The following MDGA1 variants were observed in gnomAD, a reference collection of about 807,000 sequenced individuals.
MDGA1 encodes the protein MAM domain containing glycosylphosphatidylinositol anchor 1.
MDGA1 carries 54 observed loss-of-function variants against 101.5 expected under a neutral mutation model. The ratio of observed to expected loss-of-function variants is 0.53; its 90% confidence interval spans 0.43 to 0.67. MDGA1 has a LOEUF of 0.67. Ranked by LOEUF, MDGA1 falls within the 30% of genes least tolerant of loss-of-function variation. MDGA1 has a pLI of 0.00. For missense variants in MDGA1, 1,083 were observed against 1,323.8 expected (o/e 0.82, Z 2.82); for synonymous variants, 533 against 558.3 (o/e 0.95, Z 0.64).
intron 9 of MDGA1, among the ~76,000 whole-genome samples, 165 bp from the exon 10 acceptor site, chr6:37,647,489 G>A (rs1010312018): frequency 1.3e-5 from 2 of 151,980 alleles, no homozygotes; most frequent in Admixed American, 6.6e-5. Flanking sequence ...GGGAGAAGAG[G>A]GGATTGGGGA....
intron 7 of MDGA1, among the ~76,000 whole-genome samples, chr6:37,651,352 AC>A (rs1448570319): frequency 6.6e-6 from 1 of 152,220 alleles, no homozygotes; most frequent in Non-Finnish European, 1.5e-5. Flanking sequence ...ATTAAAATGT[AC>A]CCATGTTCCA....
chr6:37,667,713 T>A (rs1407047766), intron 1 of MDGA1, among the ~76,000 whole-genome samples: 1 of 152,252 alleles, frequency 6.6e-6, no homozygotes, highest in African/African-American at 2.4e-5. Context: ...CAGTGGAAGA[T>A]AAGCTGTAAT....
rs989018159 is a variant in MDGA1, at chr6:37,635,427, C to T, written c.*1941G>A. ...GTTAAGGAACAATACCCGACAGACG[C>T]GATGGAAGTGTATGCTGAGAACCTG... On this transcript the variant is annotated 3_prime_UTR_variant, in exon 17 of 17. Transcript: ENST00000434837. 2.8e-5 allele frequency: 11 copies of T among 398,526 alleles called. No individual in the cohort carries two copies. The highest frequency in any genetic ancestry group is 8.2e-5 in the African/African-American group (4 of 48,630). 24.7% of individuals were successfully genotyped at this position (398,526 alleles called of 1,614,324 possible). A position where few individuals can be genotyped will look rare whatever the true frequency, so the allele number is the denominator to read the frequency against.
At chr6:37,657,692 G>A (rs1354676729) in intron 3 of MDGA1, among the ~76,000 whole-genome samples, 6 of 152,200 alleles carry the variant, frequency 3.9e-5, no homozygotes, top group Non-Finnish European at 5.9e-5. Flanking sequence ...TCAGCCTGAC[G>A]GATGACTCAG....
At chr6:37,693,667 T>C (rs1202512501) in intron 1 of MDGA1, among the ~76,000 whole-genome samples, 1 of 152,206 alleles carries the variant, frequency 6.6e-6, no homozygotes, top group Non-Finnish European at 1.5e-5. Context: ...TCCTCTTCCA[T>C]CACTTGGCTA....
intron 1 of MDGA1, among the ~76,000 whole-genome samples, chr6:37,690,450 G>T (rs894771118): frequency 6.6e-6 from 1 of 152,190 alleles, no homozygotes; most frequent in African/African-American, 2.4e-5. Context: ...GCATACTTAT[G>T]ATCACAGGCT....
intron 1 of MDGA1, among the ~76,000 whole-genome samples, chr6:37,677,181 C>A (rs1355383551): frequency 6.6e-6 from 1 of 152,104 alleles, no homozygotes; most frequent in African/African-American, 2.4e-5. Flanking sequence ...CCATAATGCA[C>A]CTATTAAACC....
rs559470117 is a variant in MDGA1 at position 37,650,198 on chromosome 6, T to A, written c.1520A>T (p.Asp507Val). The A allele has an allele frequency of 6.2e-7, 1 of 1,613,082 alleles. No homozygotes were observed. Among genetic ancestry groups the A allele is most frequent in the African/African-American group, 1.3e-5 (1 of 74,940 alleles). ...GKLRLERVSR[D>V]MSGTYRCQTA... ...CTGGCAGCGGTAGGTCCCGCTCATG[T>A]CTCGGCTCACTCGCTCCAGCCGCAG... Residue 507 changes from aspartate (D) to valine (V), a missense_variant, in exon 8 of 17, where the codon GAC (aspartate) becomes GTC (valine). By Grantham distance (152) the Asp-to-Val change is radical. This residue lies in a region of MDGA1 where 657 missense variants were observed against 771.4 expected (regional missense o/e 0.85). Coordinates refer to ENST00000434837, the MANE Select transcript of MDGA1 (RefSeq NM_153487.4).
At position 37,650,410 on chromosome 6, in the gene MDGA1, G is replaced by A; in HGVS notation, c.1313-5C>T. 1 of 1,531,156 alleles carries A rather than the reference G, an allele frequency of 6.5e-7. No homozygotes were observed. The allele number at this position is 1,531,156 out of a possible 1,614,324, so 94.8% of individuals were successfully genotyped here. A position where few individuals can be genotyped will look rare whatever the true frequency, so the allele number is the denominator to read the frequency against. The stretch of plus-strand genomic sequence containing the variant: ...GCACACTGATGGTGGGCGGCACTGT[G>A]GGGGTGATGGTGATCAGCGGAGAGG... On this transcript the variant is annotated splice_polypyrimidine_tract_variant and splice_region_variant and intron_variant, in intron 7 of 16. Coordinates refer to ENST00000434837, the MANE Select transcript of MDGA1 (RefSeq NM_153487.4).
chr6:37,645,981 A>G, intron 11 of MDGA1, 25 bp from the exon 12 acceptor site: 1 of 1,613,972 alleles, frequency 6.2e-7, no homozygotes. Context: ...GGGGAAACCA[A>G]GTCAGAACTG....
intron 14 of MDGA1, among the ~76,000 whole-genome samples, chr6:37,642,703 G>A (rs1034736911): frequency 3.9e-5 from 6 of 152,108 alleles, no homozygotes; most frequent in South Asian, 4.1e-4. Context: ...ACCATGCCGC[G>A]GGGTCAGGCA....
intron 1 of MDGA1, among the ~76,000 whole-genome samples, chr6:37,676,295 G>GAA (rs1761976951): frequency 6.6e-6 from 1 of 152,216 alleles, no homozygotes; most frequent in Non-Finnish European, 1.5e-5. Flanking sequence ...GCAGAGCCTG[G>GAA]GCCAGGAAGT....
In MDGA1 at chr6:37,647,084, C is replaced by T. The variant is rs76385504; in HGVS notation, c.2046+89G>A. On this transcript the variant is annotated intron_variant, in intron 10 of 16. Transcript: ENST00000434837. ...GGTCAACGTGTCTAAGCCCCATCTC[C>T]GACCCTTCCTCTGGCCTTGATGAGC... 220 of 1,266,192 alleles carry T rather than the reference C, an allele frequency of 1.7e-4. 1 individual carries two copies. Among genetic ancestry groups the T allele is most frequent in the East Asian group, 1.7e-3 (67 of 39,776 alleles). 78.4% of individuals were successfully genotyped at this position (1,266,192 alleles called of 1,614,324 possible).
intron 1 of MDGA1, among the ~76,000 whole-genome samples, chr6:37,694,715 G>T (rs1762381543): frequency 6.6e-6 from 1 of 151,962 alleles, no homozygotes; most frequent in Non-Finnish European, 1.5e-5. Flanking sequence ...CCTCAATAAA[G>T]ACTTTTTACC....
At chr6:37,677,845 C>T (rs576478992) in intron 1 of MDGA1, among the ~76,000 whole-genome samples, 1 of 152,192 alleles carries the variant, frequency 6.6e-6, no homozygotes, top group Admixed American at 6.5e-5. Context: ...CAGACTCTGA[C>T]CCCCTCCGAC....
intron 1 of MDGA1, among the ~76,000 whole-genome samples, chr6:37,675,407 A>G (rs372142324): frequency 1.2e-4 from 18 of 152,336 alleles, no homozygotes; most frequent in South Asian, 1.0e-3. Context: ...ACTTGTACTC[A>G]GCAGGTACTT....
rs1763888493 is a variant in MDGA1 at position 37,634,689 on chromosome 6, T to TCA, written c.*2677_*2678dup. 1 of 152,538 alleles carries TCA rather than the reference T, an allele frequency of 6.6e-6. No homozygotes were observed. The highest frequency in any genetic ancestry group is 2.1e-4 in the South Asian group (1 of 4,838). The allele number at this position is 152,538 out of a possible 1,614,324, so 9.4% of individuals were successfully genotyped here. ...TCAGCATTTCAGCAGACACATTTTG[T>TCA]CAATCCCAGGTCAAGCCATCCTCAA... On this transcript the variant is annotated 3_prime_UTR_variant, in exon 17 of 17. Transcript: ENST00000434837. The surrounding 1 kb of genome is among the most constrained non-coding windows in gnomAD (Gnocchi z 4.7).
At chr6:37,691,436 T>C (rs937286890) in intron 1 of MDGA1, among the ~76,000 whole-genome samples, 3 of 152,196 alleles carry the variant, frequency 2.0e-5, no homozygotes, top group Non-Finnish European at 2.9e-5. Flanking sequence ...TACACACTTA[T>C]AAGGGATTGT....
chr6:37,637,913 C>T (rs1405821368), intron 16 of MDGA1: 6 of 534,574 alleles, frequency 1.1e-5, no homozygotes, highest in African/African-American at 9.6e-5. Flanking sequence ...ACCTCTGGAG[C>T]CAGAGGTACG....
Sources: gnomAD v4.1 joint callset for allele counts (sites outside exome capture counted in the v4.1 genomes callset) on GRCh38, gnomAD v4.1.1 for gene constraint, gnomAD v4.1.1 regional missense constraint, Gnocchi (gnomAD v3.1) non-coding constraint, MANE v1.5 for transcripts, NCBI Gene and HGNC (gene_info 2026-07-23, HGNC 2026-07-21) for gene names.